FAM78B: variants seen among roughly 807,000 people sequenced by gnomAD.
FAM78B encodes family with sequence similarity 78 member B.
Under a neutral mutation model 20.0 loss-of-function variants are expected in FAM78B, and 10 were observed. The ratio of observed to expected loss-of-function variants is 0.50; its 90% confidence interval spans 0.31 to 0.85. The LOEUF (loss-of-function observed/expected upper bound fraction) is 0.85. Ranked by LOEUF, FAM78B falls within the 40% of genes least tolerant of loss-of-function variation. The pLI is 0.05. For synonymous variants in FAM78B, 135 were observed against 132.8 expected, an observed-to-expected ratio of 1.02 and a Z score of -0.12; for missense variants, 283 against 345.0, an observed-to-expected ratio of 0.82 and a Z score of 1.42.
chr1:166,083,794 C>A (rs1652678679), intron 1 of FAM78B, among the ~76,000 whole-genome samples: 2 of 128,062 alleles, frequency 1.6e-5, no homozygotes, highest in Admixed American at 8.9e-5. Context: ...GAGCCACGCA[C>A]CCAGCTTTTT....
intron 1 of FAM78B, among the ~76,000 whole-genome samples, chr1:166,126,932 C>A (rs1395756178): frequency 1.3e-5 from 2 of 152,146 alleles, no homozygotes; most frequent in African/African-American, 4.8e-5. Flanking sequence ...ATGGTATCTT[C>A]CCCTGTCAAC....
downstream of FAM78B, among the ~76,000 whole-genome samples, chr1:166,065,040 G>T (rs2101944365): frequency 6.6e-6 from 1 of 152,318 alleles, no homozygotes; most frequent in South Asian, 2.1e-4. Flanking sequence ...TGAAGGCACA[G>T]CCTGGGCCAC....
intron 1 of FAM78B, among the ~76,000 whole-genome samples, chr1:166,113,080 G>A (rs1654120848): frequency 7.1e-6 from 1 of 140,558 alleles, no homozygotes; most frequent in South Asian, 2.3e-4. Flanking sequence ...GCTGTCTGAT[G>A]GTCACTCAGT....
chr1:166,056,066 A>C (rs1259525149), downstream of FAM78B, among the ~76,000 whole-genome samples: 2 of 152,192 alleles, frequency 1.3e-5, no homozygotes, highest in African/African-American at 4.8e-5. Context: ...CTTGCTCCAG[A>C]GTTGAGCATG....
At position 166,110,239 on chromosome 1, in the gene FAM78B, C is replaced by T. The variant is rs1345872497; in HGVS notation, c.264-39476G>A. On this transcript the variant is annotated intron_variant, in intron 1 of 1. Transcript: ENST00000354422. ...AGAACTTACTCATGTAACCCAATAC[C>T]ACCTGTACCCCAATAACTTAAGAAA... 4.0e-5 allele frequency among the ~76,000 whole-genome samples: 6 copies of T among 151,578 alleles called. No homozygotes were observed. The South Asian group carries it at 1.0e-3, about 26-fold the overall frequency.
intron 1 of FAM78B, among the ~76,000 whole-genome samples, chr1:166,155,037 G>A (rs73046945): frequency 0.018 from 2,784 of 152,264 alleles, 90 homozygotes; most frequent in African/African-American, 0.063. Flanking sequence ...GTGCTGGGAT[G>A]GTCCCCTGGG....
chr1:166,063,565 T>A (rs963739573), intron 2 of FAM78B, among the ~76,000 whole-genome samples: 9 of 138,250 alleles, frequency 6.5e-5, no homozygotes, highest in Non-Finnish European at 1.1e-4. Flanking sequence ...TGTGAAAAAA[T>A]AATAATAAAA....
intron 1 of FAM78B, among the ~76,000 whole-genome samples, chr1:166,093,289 C>G (rs149489053): frequency 6.6e-6 from 1 of 152,212 alleles, no homozygotes; most frequent in Non-Finnish European, 1.5e-5. Flanking sequence ...CAAGTCATGT[C>G]TACATTCCAG....
At chr1:166,064,745 C>CTCAAG (rs1421617585), downstream of FAM78B, among the ~76,000 whole-genome samples, 1 of 152,204 alleles carries the variant, frequency 6.6e-6, no homozygotes, top group African/African-American at 2.4e-5. Context: ...TGTGATTCTA[C>CTCAAG]TCAAGTCACA....
chr1:166,109,830 A>G lies in FAM78B; in HGVS notation c.264-39067T>C, dbSNP rs1477679887. 4.4e-3 allele frequency among the ~76,000 whole-genome samples: 91 copies of G among 20,510 alleles called. 9 individuals are homozygous for G. Among genetic ancestry groups the G allele is most frequent in the African/African-American group, 0.012 (82 of 6,630 alleles). The allele number at this position is 20,510 out of a possible 152,430, so 13.5% of individuals were successfully genotyped here. A position where few individuals can be genotyped will look rare whatever the true frequency, so the allele number is the denominator to read the frequency against. ...TGTATATATGTATATATATATATATATGTATATATGTATATATATATATAT... is the reference window on the plus strand; with the variant it reads ...TGTATATATGTATATATATATATATGTGTATATATGTATATATATATATAT... On this transcript the variant is annotated intron_variant, in intron 1 of 1. Coordinates refer to ENST00000354422, the MANE Select transcript of FAM78B (RefSeq NM_001017961.5).
intron 1 of FAM78B, among the ~76,000 whole-genome samples, chr1:166,145,834 C>T (rs1211538809): frequency 6.6e-6 from 1 of 152,226 alleles, no homozygotes; most frequent in African/African-American, 2.4e-5. Flanking sequence ...TAAACAAATA[C>T]TGGATAATGA....
chr1:166,086,240 G>T (rs918404747), intron 1 of FAM78B, among the ~76,000 whole-genome samples: 1 of 152,134 alleles, frequency 6.6e-6, no homozygotes, highest in Non-Finnish European at 1.5e-5. Flanking sequence ...TTTGCAGCCA[G>T]TACTGACCCA....
At chr1:166,114,996 G>A (rs1041076668) in intron 1 of FAM78B, among the ~76,000 whole-genome samples, 2 of 152,164 alleles carry the variant, frequency 1.3e-5, no homozygotes, top group African/African-American at 2.4e-5. Context: ...ATTTTAGAGG[G>A]GAAAGGGTGA....
chr1:166,107,042 A>G (rs986081542), intron 1 of FAM78B, among the ~76,000 whole-genome samples: 3 of 152,170 alleles, frequency 2.0e-5, no homozygotes, highest in Admixed American at 1.3e-4. Flanking sequence ...GCCTACATCA[A>G]AAAGACTGAA....
chr1:166,072,359 C>A, intron 1 of FAM78B, among the ~76,000 whole-genome samples: 1 of 152,194 alleles, frequency 6.6e-6, no homozygotes, highest in East Asian at 1.9e-4. Flanking sequence ...TTGTCATGCC[C>A]TTGGTAACTG....
At chr1:166,134,038 C>T (rs1557912439) in intron 1 of FAM78B, among the ~76,000 whole-genome samples, 1 of 152,186 alleles carries the variant, frequency 6.6e-6, no homozygotes, top group Non-Finnish European at 1.5e-5. Flanking sequence ...ATGTTCTCCC[C>T]ACTACCTCCC....
At chr1:166,083,979 T>A (rs1271881226) in intron 1 of FAM78B, among the ~76,000 whole-genome samples, 5 of 151,980 alleles carry the variant, frequency 3.3e-5, no homozygotes, top group Non-Finnish European at 7.4e-5. Context: ...TTCCTCCCTT[T>A]ACGCAAGTAA....
intron 1 of FAM78B, among the ~76,000 whole-genome samples, chr1:166,134,494 A>G (rs1655000441): frequency 6.6e-6 from 1 of 151,926 alleles, no homozygotes; most frequent in Admixed American, 6.6e-5. Flanking sequence ...GGCCATTTGA[A>G]AGACACCAGA....
At chr1:166,106,447 A>T (rs917313444) in intron 1 of FAM78B, among the ~76,000 whole-genome samples, 12 of 151,396 alleles carry the variant, frequency 7.9e-5, no homozygotes, top group Admixed American at 6.6e-4. Flanking sequence ...ACTTAAATTA[A>T]AAAAAAAAGA....
Sources: allele counts gnomAD v4.1 joint callset (sites outside exome capture counted in the v4.1 genomes callset), GRCh38; gene constraint gnomAD v4.1.1; transcripts MANE v1.5; gene names NCBI Gene and HGNC (gene_info 2026-07-23, HGNC 2026-07-21).